Variants in CNTNAP2 observed in about 807,000 individuals in gnomAD.
The protein encoded by CNTNAP2 is contactin-associated protein-like 2.
A neutral mutation model predicts 155.2 loss-of-function variants in CNTNAP2; 98 were observed. That is an observed-to-expected ratio of 0.63 (90% confidence interval 0.54 to 0.75). CNTNAP2 has a LOEUF of 0.75. Ranked by LOEUF, CNTNAP2 falls within the 30% of genes least tolerant of loss-of-function variation. The probability of loss-of-function intolerance (pLI) is 0.00; values close to 1 mark genes in which losing one functional copy is unlikely to be tolerated. For synonymous variants in CNTNAP2, 651 were observed against 631.2 expected, an observed-to-expected ratio of 1.03 and a Z score of -0.47; for missense variants, 1,727 against 1,688.1, an observed-to-expected ratio of 1.02 and a Z score of -0.40.
At chr7:146,995,932 T>TAAAAC (rs538148386) in intron 3 of CNTNAP2, among the ~76,000 whole-genome samples, 34 of 152,188 alleles carry the variant, frequency 2.2e-4, no homozygotes, top group East Asian at 7.7e-4. Context: ...GAGGCATATT[T>TAAAAC]AAAACAAAAC....
At position 147,639,096 on chromosome 7, in the gene CNTNAP2, C is replaced by T; in HGVS notation, c.1898-10C>T. ...ATGATCCAGGGTCCTGGTTGTTTTT[C>T]TCCCCACAGAGGACAAAGTGTGGAC... On this transcript the variant is annotated splice_polypyrimidine_tract_variant and intron_variant, in intron 12 of 23. Transcript: ENST00000361727. 1 of 1,613,916 alleles carries T rather than the reference C, an allele frequency of 6.2e-7. No homozygotes were observed. The highest frequency in any genetic ancestry group is 8.5e-7 in the Non-Finnish European group (1 of 1,179,898).
chr7:148,282,288 G>A (rs1796988173), intron 21 of CNTNAP2, among the ~76,000 whole-genome samples: 1 of 152,208 alleles, frequency 6.6e-6, no homozygotes, highest in Admixed American at 6.5e-5. Context: ...TGTCATAAGT[G>A]TAGGCTGGAA....
chr7:146,815,173 A>G (rs1380994281), intron 2 of CNTNAP2, among the ~76,000 whole-genome samples: 1 of 152,180 alleles, frequency 6.6e-6, no homozygotes, highest in Non-Finnish European at 1.5e-5. Flanking sequence ...TTAATCTGTT[A>G]GAAGATAGTA....
Position 146,721,303 on chromosome 7 carries a change from G to A in CNTNAP2, c.98-52968G>A, listed in dbSNP as rs868328093. Among the ~76,000 whole-genome samples the A allele has an allele frequency of 3.8e-3, 347 of 92,292 alleles. 14 individuals carry two copies. Among genetic ancestry groups the A allele is most frequent in the East Asian group, 0.011 (38 of 3,458 alleles). The allele number at this position is 92,292 out of a possible 152,430, so 60.5% of individuals were successfully genotyped here. On this transcript the variant is annotated intron_variant, in intron 1 of 23. Coordinates refer to ENST00000361727, the MANE Select transcript of CNTNAP2 (RefSeq NM_014141.6). The stretch of plus-strand genomic sequence containing the variant: ...TATATTCTATATATATTCTATATAT[G>A]TATTCTATATATATTCTATATATAC...
chr7:146,123,811 G>T (rs1397318513), intron 1 of CNTNAP2, among the ~76,000 whole-genome samples: 1 of 152,038 alleles, frequency 6.6e-6, no homozygotes, highest in Non-Finnish European at 1.5e-5. Context: ...AAAATTAAAG[G>T]TGCTTCTATT....
intron 21 of CNTNAP2, among the ~76,000 whole-genome samples, chr7:148,369,181 C>CTTTTTTTTT (rs376460265): frequency 7.6e-5 from 7 of 92,306 alleles, no homozygotes; most frequent in African/African-American, 9.3e-5. Flanking sequence ...AATTGAATCC[C>CTTTTTTTTT]TTTTTTTTTT....
At chr7:147,268,487 A>G (rs1282015845) in intron 8 of CNTNAP2, among the ~76,000 whole-genome samples, 3 of 152,094 alleles carry the variant, frequency 2.0e-5, no homozygotes, top group Non-Finnish European at 4.4e-5. Flanking sequence ...CAGGGAGGGG[A>G]ACATCATACA....
In CNTNAP2 at chr7:147,128,715, T is replaced by C. The variant is rs760724848; in HGVS notation, c.962T>C (p.Phe321Ser). 4 of 1,614,028 alleles carry C rather than the reference T, an allele frequency of 2.5e-6. 1 individual carries two copies. In the Admixed American group the frequency reaches 6.7e-5, roughly 27 times the overall value. Residue 321 changes from phenylalanine (F) to serine (S), a missense_variant, in exon 7 of 24, where the codon TTC (phenylalanine) becomes TCC (serine). Phe to Ser is a radical substitution (Grantham distance 155, BLOSUM62 -2). Coordinates refer to ENST00000361727, the MANE Select transcript of CNTNAP2 (RefSeq NM_014141.6). ...DYEITFGGIPFSGKPSSSSRK... is the reference protein window; with the variant it reads ...DYEITFGGIPSSGKPSSSSRK... ...AAGATAACCTTTGGAGGCATCCCTT[T>C]CTCTGGCAAGCCCAGCTCCAGCAGT...
At chr7:148,358,197 G>C (rs947121421) in intron 21 of CNTNAP2, among the ~76,000 whole-genome samples, 4 of 152,170 alleles carry the variant, frequency 2.6e-5, no homozygotes, top group African/African-American at 9.7e-5. Flanking sequence ...GGAGAAGCAG[G>C]GTGGGTCAGA....
chr7:147,132,915 T>C (rs1176860467), intron 8 of CNTNAP2, among the ~76,000 whole-genome samples: 1 of 152,170 alleles, frequency 6.6e-6, no homozygotes, highest in African/African-American at 2.4e-5. Context: ...AAGATTATAC[T>C]AATTTTAACT....
At chr7:146,125,544 C>G (rs1337922537) in intron 1 of CNTNAP2, among the ~76,000 whole-genome samples, 2 of 143,982 alleles carry the variant, frequency 1.4e-5, no homozygotes, top group East Asian at 2.0e-4. Flanking sequence ...CCACTGCACT[C>G]CAGCCTGGGT....
chr7:146,533,915 AT>A (rs1311658988), intron 1 of CNTNAP2, among the ~76,000 whole-genome samples: 2 of 152,282 alleles, frequency 1.3e-5, no homozygotes, highest in East Asian at 3.9e-4. Flanking sequence ...GTTATTGGCA[AT>A]AACATAAGAG....
At chr7:148,390,980 A>G (rs556894568) in intron 22 of CNTNAP2, among the ~76,000 whole-genome samples, 41 of 152,340 alleles carry the variant, frequency 2.7e-4, no homozygotes, top group African/African-American at 9.6e-4. Context: ...CATTATGGGA[A>G]GCAAATAGAC....
intron 14 of CNTNAP2, among the ~76,000 whole-genome samples, chr7:147,936,491 A>G (rs180923795): frequency 6.6e-6 from 1 of 152,232 alleles, no homozygotes; most frequent in Admixed American, 6.5e-5. Context: ...TATGAATGTA[A>G]AAGAGAATAA....
At chr7:147,518,961 GC>G (rs564055274) in intron 11 of CNTNAP2, among the ~76,000 whole-genome samples, 2 of 86,270 alleles carry the variant, frequency 2.3e-5, no homozygotes, top group South Asian at 1.2e-3. Context: ...AACCCGGGAG[GC>G]GGAGGTTGCA....
rs553946695 is a variant in CNTNAP2, at chr7:147,183,905, G to C, written c.1348+51396G>C. Among the ~76,000 whole-genome samples the C allele has an allele frequency of 3.9e-5, 6 of 152,222 alleles. No individual in the cohort carries two copies. The South Asian group carries it at 1.2e-3, about 32-fold the overall frequency. On this transcript the variant is annotated intron_variant, in intron 8 of 23. Transcript: ENST00000361727. ...GGTGCCTACTATAGTTTTTATTTCT[G>C]TATCAAGCTAAACACAAAGTAAATA...
intron 13 of CNTNAP2, among the ~76,000 whole-genome samples, chr7:147,667,742 A>G (rs1029115966): frequency 6.6e-6 from 1 of 151,986 alleles, no homozygotes; most frequent in African/African-American, 2.4e-5. Context: ...AAGGCATTAA[A>G]GCACTTTTTA....
At chr7:148,062,556 CAA>C (rs1803177643) in intron 15 of CNTNAP2, among the ~76,000 whole-genome samples, 1 of 151,906 alleles carries the variant, frequency 6.6e-6, no homozygotes, top group Non-Finnish European at 1.5e-5. Context: ...AAAGTCTAAA[CAA>C]AATAAAGAAC....
chr7:147,737,310 T>C (rs1396900651), intron 13 of CNTNAP2, among the ~76,000 whole-genome samples: 2 of 152,120 alleles, frequency 1.3e-5, no homozygotes, highest in Non-Finnish European at 2.9e-5. Flanking sequence ...TTTGCCTGGG[T>C]ATCAGCAGCA....
Sources: allele counts gnomAD v4.1 joint callset (sites outside exome capture counted in the v4.1 genomes callset), GRCh38; gene constraint gnomAD v4.1.1; transcripts MANE v1.5; gene names NCBI Gene and HGNC (gene_info 2026-07-23, HGNC 2026-07-21).